MGMT: variants seen among roughly 807,000 people sequenced by gnomAD.
The protein encoded by MGMT is methylated-DNA--protein-cysteine methyltransferase.
A neutral mutation model predicts 15.9 loss-of-function variants in MGMT; 14 were observed. That is an observed-to-expected ratio of 0.88 (90% CI 0.58 to 1.37). The LOEUF is 1.37. Ranked by LOEUF, MGMT falls within the 40% of genes most tolerant of loss-of-function variation. The pLI is 0.00. For synonymous variants in MGMT, 130 were observed against 118.2 expected (o/e 1.10, Z -0.65); for missense variants, 282 against 268.1 (o/e 1.05, Z -0.36).
chr10:129,587,351 A>G (rs1043607906), intron 2 of MGMT, among the ~76,000 whole-genome samples: 1 of 141,810 alleles, frequency 7.1e-6, no homozygotes, highest in African/African-American at 2.6e-5. Flanking sequence ...TTATTTTGGT[A>G]GTTTCTATTA....
At chr10:129,585,316 C>G (rs1037196194) in intron 2 of MGMT, among the ~76,000 whole-genome samples, 1 of 152,132 alleles carries the variant, frequency 6.6e-6, no homozygotes, top group Non-Finnish European at 1.5e-5. Flanking sequence ...TGTACTATTT[C>G]TTTTTGTCAA....
At chr10:129,676,301 G>T (rs1180683357) in intron 2 of MGMT, among the ~76,000 whole-genome samples, 1 of 152,206 alleles carries the variant, frequency 6.6e-6, no homozygotes. Context: ...CCGCTGTCAT[G>T]GTTGGCCAGG....
At chr10:129,520,953 C>G (rs1176503979) in intron 1 of MGMT, among the ~76,000 whole-genome samples, 3 of 131,576 alleles carry the variant, frequency 2.3e-5, no homozygotes, top group African/African-American at 8.7e-5. Context: ...TAAGGTGTGC[C>G]TACAGAGCCC....
At chr10:129,666,686 A>G (rs544911101) in intron 2 of MGMT, among the ~76,000 whole-genome samples, 1 of 152,326 alleles carries the variant, frequency 6.6e-6, no homozygotes, top group African/African-American at 2.4e-5. Flanking sequence ...CCTGGAAATA[A>G]TGATAATTTT....
chr10:129,744,010 C>G (rs550044908), intron 3 of MGMT, among the ~76,000 whole-genome samples: 1 of 152,342 alleles, frequency 6.6e-6, no homozygotes, highest in Admixed American at 6.5e-5. Flanking sequence ...AGGACAGCCT[C>G]TGCTTCCATG....
At chr10:129,622,052 A>G (rs1378726015) in intron 2 of MGMT, among the ~76,000 whole-genome samples, 1 of 152,232 alleles carries the variant, frequency 6.6e-6, no homozygotes, top group Non-Finnish European at 1.5e-5. Context: ...GCAGTGGTTT[A>G]TGGCATAGAC....
chr10:129,643,266 G>A (rs961735745), intron 2 of MGMT, among the ~76,000 whole-genome samples: 13 of 152,208 alleles, frequency 8.5e-5, no homozygotes, highest in African/African-American at 3.1e-4. Context: ...GCAGATTAGA[G>A]ATCTACAAGA....
intron 3 of MGMT, among the ~76,000 whole-genome samples, chr10:129,755,763 G>T (rs940206003): frequency 5.5e-4 from 83 of 152,244 alleles, no homozygotes; most frequent in African/African-American, 1.9e-3. Flanking sequence ...CTGGCCGTGT[G>T]CAGTGGACGC....
chr10:129,614,300 TC>T (rs1239440974), intron 2 of MGMT, among the ~76,000 whole-genome samples: 2 of 152,202 alleles, frequency 1.3e-5, no homozygotes, highest in Admixed American at 6.5e-5. Flanking sequence ...AAGCCTATTT[TC>T]TTAGAGCAAA....
chr10:129,543,381 T>C (rs1360515846), intron 2 of MGMT, among the ~76,000 whole-genome samples: 1 of 152,152 alleles, frequency 6.6e-6, no homozygotes, highest in Non-Finnish European at 1.5e-5. Flanking sequence ...AGGTCAGAGC[T>C]CCTCTCTACA....
intron 2 of MGMT, among the ~76,000 whole-genome samples, chr10:129,611,328 CTCATGGAT>C (rs1487675928): frequency 1.3e-5 from 2 of 152,174 alleles, no homozygotes; most frequent in Non-Finnish European, 2.9e-5. Flanking sequence ...CAAACACATC[CTCATGGAT>C]GGAGCAGGAA....
chr10:129,669,069 A>T (rs1159351622), intron 2 of MGMT, among the ~76,000 whole-genome samples: 1 of 152,316 alleles, frequency 6.6e-6, no homozygotes, highest in East Asian at 1.9e-4. Flanking sequence ...GTGCTTCCTT[A>T]AGTGTTTGTT....
chr10:129,725,411 G>GA (rs1471242792), intron 3 of MGMT, among the ~76,000 whole-genome samples: 1 of 152,270 alleles, frequency 6.6e-6, no homozygotes, highest in African/African-American at 2.4e-5. Flanking sequence ...GATGAAGGCA[G>GA]AGTTATCTAA....
chr10:129,531,791 G>C (rs973375008), intron 1 of MGMT, among the ~76,000 whole-genome samples: 1 of 146,218 alleles, frequency 6.8e-6, no homozygotes, highest in African/African-American at 2.5e-5. Context: ...GGGGTGGGGG[G>C]GGGTGGGGGT....
Position 129,520,908 on chromosome 10 carries a change from C to T in MGMT, c.-12-15333C>T, listed in dbSNP as rs987871669. On this transcript the variant is annotated intron_variant, in intron 1 of 4. Coordinates refer to ENST00000651593, the MANE Select transcript of MGMT (RefSeq NM_002412.5). ...GCGGGTGCAGAGCCCCTATGGTGTG[C>T]ATACAGAACCCCTACGGTGCGGGTA... Among the ~76,000 whole-genome samples, 90 of 140,206 alleles carry T rather than the reference C, an allele frequency of 6.4e-4. 1 individual carries two copies. The highest frequency in any genetic ancestry group is 2.0e-3 in the African/African-American group (75 of 37,192). 92.0% of individuals were successfully genotyped at this position (140,206 alleles called of 152,430 possible).
At chr10:129,676,773 ATACAT>A (rs141917591) in intron 2 of MGMT, among the ~76,000 whole-genome samples, 14,073 of 152,224 alleles carry the variant, frequency 0.092, 902 homozygotes, top group Admixed American at 0.18. Flanking sequence ...AAGCAGATAC[ATACAT>A]TACATTTAGA....
At chr10:129,709,506 A>G (rs1334066925) in intron 3 of MGMT, among the ~76,000 whole-genome samples, 1 of 152,180 alleles carries the variant, frequency 6.6e-6, no homozygotes, top group Non-Finnish European at 1.5e-5. Context: ...TTCGCCTGCC[A>G]GGAGGAGCAA....
chr10:129,483,484 T>C (rs1845379560), intron 1 of MGMT, among the ~76,000 whole-genome samples: 9 of 152,170 alleles, frequency 5.9e-5, no homozygotes, highest in Admixed American at 5.9e-4. Flanking sequence ...GTTTTTGTTT[T>C]TTGAAAAAAG....
intron 2 of MGMT, among the ~76,000 whole-genome samples, chr10:129,577,616 A>G (rs191606159): frequency 2.0e-5 from 3 of 152,370 alleles, no homozygotes; most frequent in South Asian, 4.1e-4. Context: ...CATTCAGGAC[A>G]TAGGCATGGG....
Sources: gnomAD v4.1 joint callset for allele counts (sites outside exome capture counted in the v4.1 genomes callset) on GRCh38, gnomAD v4.1.1 for gene constraint, MANE v1.5 for transcripts, NCBI Gene and HGNC (gene_info 2026-07-23, HGNC 2026-07-21) for gene names.